The following RPS6KA5 variants were observed in gnomAD, a reference collection of about 807,000 sequenced individuals.
RPS6KA5 encodes ribosomal protein S6 kinase alpha-5.
A neutral mutation model predicts 85.5 loss-of-function variants in RPS6KA5; 27 were observed. That is an observed-to-expected ratio of 0.32 (90% CI 0.23 to 0.44). The LOEUF (loss-of-function observed/expected upper bound fraction) is 0.44, where lower values mean the gene tolerates loss of function less well. Among genes scored for constraint, RPS6KA5 ranks in the 20% least tolerant of loss-of-function variants. The pLI is 1.00. For missense variants in RPS6KA5, 811 were observed against 980.9 expected, an observed-to-expected ratio of 0.83 and a Z score of 2.31; for synonymous variants, 334 against 348.2, an observed-to-expected ratio of 0.96 and a Z score of 0.46.
chr14:90,936,150 T>C (rs1306914646), intron 5 of RPS6KA5, among the ~76,000 whole-genome samples: 9 of 152,256 alleles, frequency 5.9e-5, no homozygotes, highest in Non-Finnish European at 1.3e-4. Flanking sequence ...CTTGATCGAA[T>C]TTTCTGGTTG....
intron 7 of RPS6KA5, chr14:90,911,246 ACTC>A (rs1485316874): frequency 3.3e-5 from 5 of 152,120 alleles, no homozygotes; most frequent in African/African-American, 1.2e-4. Flanking sequence ...GCACATAGCA[ACTC>A]CTCAACAAAT....
chr14:90,899,348 T>C lies in RPS6KA5; in HGVS notation c.1454A>G (p.His485Arg). ...CEGHPNIVKL[H>R]EVFHDQLHTF... ...GGATACCTGATCATGAAAAACTTCA[T>C]GCAACTTCACAATATTGGGGTGTCC... The change falls in exon 12 of 17, where the codon CAT becomes CGT. Residue 485 changes from histidine to arginine, a missense_variant. His to Arg is a conservative substitution (Grantham distance 29). Around this residue, in one of 3 missense-constraint regions of RPS6KA5, gnomAD observed 650 missense variants for 793.4 expected, o/e 0.82. Transcript: ENST00000614987. 6.2e-7 allele frequency: 1 copy of C among 1,607,050 alleles called. No homozygotes were observed. Among genetic ancestry groups the C allele is most frequent in the Non-Finnish European group, 8.5e-7 (1 of 1,175,938 alleles).
chr14:90,906,234 T>C lies in RPS6KA5; in HGVS notation c.872A>G (p.Gln291Arg), dbSNP rs2035494357. Residue 291 changes from glutamine to arginine, a missense_variant, in exon 8 of 17, where the codon CAG becomes CGG. Around this residue, in one of 3 missense-constraint regions of RPS6KA5, gnomAD observed 650 missense variants for 793.4 expected, o/e 0.82. Transcript: ENST00000614987. ...CTTGGGATCTTTCATCAAAAGACGC[T>C]GAATTAGGTCTTTCGCTAAAGCACT... ...EMSALAKDLI[Q>R]RLLMKDPKKR... is the part of the protein sequence containing the mutation. 3.1e-6 allele frequency: 5 copies of C among 1,612,788 alleles called. No homozygotes were observed. Among genetic ancestry groups the C allele is most frequent in the South Asian group, 1.1e-5 (1 of 90,986 alleles).
At chr14:90,990,299 A>G (rs2040248581) in intron 2 of RPS6KA5, among the ~76,000 whole-genome samples, 1 of 152,252 alleles carries the variant, frequency 6.6e-6, no homozygotes, top group Non-Finnish European at 1.5e-5. Flanking sequence ...ACTAATCATC[A>G]GAGAAACGCA....
At chr14:91,019,700 TCA>T (rs1262978993) in intron 1 of RPS6KA5, among the ~76,000 whole-genome samples, 1 of 152,232 alleles carries the variant, frequency 6.6e-6, no homozygotes, top group Non-Finnish European at 1.5e-5. Context: ...GGTACTTCTC[TCA>T]CAATGCTTGG....
rs1450322609 is a variant in RPS6KA5 at position 90,870,819 on chromosome 14, T to C, written c.*1255A>G. 3 of 150,904 alleles carry C rather than the reference T, an allele frequency of 2.0e-5. No individual in the cohort carries two copies. The highest frequency in any genetic ancestry group is 7.3e-5 in the African/African-American group (3 of 41,078). 9.3% of individuals were successfully genotyped at this position (150,904 alleles called of 1,614,324 possible). A position where few individuals can be genotyped will look rare whatever the true frequency, so the allele number is the denominator to read the frequency against. The stretch of plus-strand genomic sequence containing the variant: ...CCCTATCACTTCTTTTTTTTTTTTT[T>C]TTTTTTTTGCATAGGGAACGAATTA... On this transcript the variant is annotated 3_prime_UTR_variant, in exon 17 of 17. Coordinates refer to ENST00000614987, the MANE Select transcript of RPS6KA5 (RefSeq NM_004755.4).
rs557650891 is a variant in RPS6KA5, at chr14:91,024,453, A to G, written c.104-23294T>C. ...TTTGCATTTTCTGTTTTCCTTTTAC[A>G]GTAGTTTTGTAGTAATTTGTTCTAT... On this transcript the variant is annotated intron_variant, in intron 1 of 16. Coordinates refer to ENST00000614987, the MANE Select transcript of RPS6KA5 (RefSeq NM_004755.4). Among the ~76,000 whole-genome samples, 3 of 152,068 alleles carry G rather than the reference A, an allele frequency of 2.0e-5. No homozygotes were observed. The East Asian group carries it at 5.8e-4, about 29-fold the overall frequency.
At chr14:90,967,298 C>T (rs555124945) in intron 3 of RPS6KA5, among the ~76,000 whole-genome samples, 49 of 152,176 alleles carry the variant, frequency 3.2e-4, no homozygotes, top group Middle Eastern at 3.4e-3. Context: ...TCTATAACTG[C>T]AAAATATTAA....
chr14:90,893,473 GAAGAA>G (rs1265847296), intron 13 of RPS6KA5, among the ~76,000 whole-genome samples: 10 of 152,096 alleles, frequency 6.6e-5, no homozygotes, highest in African/African-American at 1.7e-4. Flanking sequence ...GTGAAGTAGA[GAAGAA>G]AAGAATTCCA....
chr14:90,937,339 A>T (rs2037315924), intron 5 of RPS6KA5, among the ~76,000 whole-genome samples: 1 of 152,176 alleles, frequency 6.6e-6, no homozygotes, highest in Admixed American at 6.6e-5. Flanking sequence ...ACATGTGAGT[A>T]AGTAGAGACA....
rs2032900363 is a variant in RPS6KA5, at chr14:90,868,464, A to G, written c.*3610T>C. On this transcript the variant is annotated 3_prime_UTR_variant, in exon 17 of 17. Coordinates refer to ENST00000614987, the MANE Select transcript of RPS6KA5 (RefSeq NM_004755.4). ...CTTCATGATGTTACAGTAATAATTC[A>G]TCTATATAACAATTATTTTGACATA... 2.0e-5 allele frequency: 3 copies of G among 152,216 alleles called. No homozygotes were observed. Among genetic ancestry groups the G allele is most frequent in the African/African-American group, 4.8e-5 (2 of 41,448 alleles). 9.4% of individuals were successfully genotyped at this position (152,216 alleles called of 1,614,324 possible). A position where few individuals can be genotyped will look rare whatever the true frequency, so the allele number is the denominator to read the frequency against.
At chr14:90,971,851 C>T (rs1451051537) in intron 3 of RPS6KA5, among the ~76,000 whole-genome samples, 1 of 152,170 alleles carries the variant, frequency 6.6e-6, no homozygotes, top group Non-Finnish European at 1.5e-5. Context: ...AAAGAAAACC[C>T]ATATACACCA....
At chr14:91,029,785 G>C (rs781725246) in intron 1 of RPS6KA5, among the ~76,000 whole-genome samples, 130 of 152,216 alleles carry the variant, frequency 8.5e-4, no homozygotes, top group Admixed American at 1.0e-3. Context: ...ACTTAGAATG[G>C]TGCCAAGTAT....
chr14:90,960,255 T>A (rs1160061265), intron 3 of RPS6KA5, among the ~76,000 whole-genome samples: 5 of 152,226 alleles, frequency 3.3e-5, no homozygotes, highest in South Asian at 4.1e-4. Flanking sequence ...AAGAGATCTA[T>A]CAACTCTGTT....
At chr14:90,888,097 G>C (rs1002715408) in intron 14 of RPS6KA5, among the ~76,000 whole-genome samples, 1 of 151,954 alleles carries the variant, frequency 6.6e-6, no homozygotes, top group African/African-American at 2.4e-5. Context: ...GAACAAACTG[G>C]GTTGTTTGTT....
chr14:90,885,602 C>A (rs1394087160), intron 14 of RPS6KA5, among the ~76,000 whole-genome samples: 1 of 112,964 alleles, frequency 8.9e-6, no homozygotes, highest in Non-Finnish European at 1.7e-5. Context: ...ATTAGACGGG[C>A]GAGGTGGCGG....
chr14:90,947,373 G>T, intron 4 of RPS6KA5, 62 bp downstream of exon 4: 2 of 867,966 alleles, frequency 2.3e-6, no homozygotes, highest in Non-Finnish European at 3.8e-6. Context: ...AGCTCTTCCA[G>T]CTCCATTATT....
At chr14:90,952,555 T>C (rs2038257214) in intron 3 of RPS6KA5, among the ~76,000 whole-genome samples, 2 of 152,250 alleles carry the variant, frequency 1.3e-5, no homozygotes, top group Non-Finnish European at 2.9e-5. Context: ...TTGTTAATGA[T>C]TGGCAAGCCA....
At chr14:90,920,093 T>C (rs904553476) in intron 7 of RPS6KA5, 113 bp downstream of exon 7, 2 of 756,842 alleles carry the variant, frequency 2.6e-6, no homozygotes, top group East Asian at 2.5e-5. Context: ...CACATAAACA[T>C]CACTTTGTCT....
Sources: allele counts gnomAD v4.1 joint callset (sites outside exome capture counted in the v4.1 genomes callset), GRCh38; gene constraint gnomAD v4.1.1; regional missense constraint gnomAD v4.1.1; transcripts MANE v1.5; gene names NCBI Gene and HGNC (gene_info 2026-07-23, HGNC 2026-07-21).